ERCC5: variants seen among roughly 807,000 people sequenced by gnomAD.
ERCC5 encodes the protein ERCC excision repair 5, endonuclease.
Under a neutral mutation model 105.6 loss-of-function variants are expected in ERCC5, and 68 were observed. The ratio of observed to expected loss-of-function variants is 0.64; its 90% CI spans 0.53 to 0.79. The LOEUF is 0.79. Ranked by LOEUF, ERCC5 falls within the 30% of genes least tolerant of loss-of-function variation. ERCC5 has a pLI of 0.00. For synonymous variants in ERCC5, 546 were observed against 526.2 expected (o/e 1.04, Z -0.51); for missense variants, 1,373 against 1,426.7 (o/e 0.96, Z 0.61).
At chr13:102,863,868 T>TGTTA (rs1882737393) in intron 8 of ERCC5, among the ~76,000 whole-genome samples, 1 of 152,210 alleles carries the variant, frequency 6.6e-6, no homozygotes, top group Non-Finnish European at 1.5e-5. Context: ...TTCTGGCACC[T>TGTTA]GTTAGCGTGG....
At chr13:102,860,921 T>C (rs1266152727) in intron 6 of ERCC5, among the ~76,000 whole-genome samples, 1 of 152,186 alleles carries the variant, frequency 6.6e-6, no homozygotes, top group Non-Finnish European at 1.5e-5. Context: ...TCATAGTGAC[T>C]GCTATGCATT....
rs530459729 is a variant in ERCC5, at chr13:102,852,891, G to A, written c.264+598G>A. On this transcript the variant is annotated intron_variant, in intron 2 of 14. Coordinates refer to ENST00000652225, the MANE Select transcript of ERCC5 (RefSeq NM_000123.4). ...GATTGCTTGAGCCCAAGTCCAGCCT[G>A]GGCAACACAGGGAGACCCCATCTCT... Among the ~76,000 whole-genome samples, 7 of 152,198 alleles carry A rather than the reference G, an allele frequency of 4.6e-5. No individual in the cohort carries two copies. In the East Asian group the frequency reaches 1.4e-3, roughly 29 times the overall value.
At chr13:102,874,048 T>G (rs1465273330) in intron 14 of ERCC5, among the ~76,000 whole-genome samples, 1 of 152,144 alleles carries the variant, frequency 6.6e-6, no homozygotes, top group South Asian at 2.1e-4. Context: ...TTTCTATGAG[T>G]TTCTCTTTGT....
rs764475818 is a variant in ERCC5, at chr13:102,875,526, A to G, written c.3184A>G (p.Asn1062Asp). ...AAAAACCCAGAAGAGAGGCATAACA[A>G]ATACCTTAGAAGAGTCATCAAGCCT... ...KGKTQKRGIT[N>D]TLEESSSLKR... The change falls in exon 15 of 15, where the codon AAT (asparagine) becomes GAT (aspartate). Residue 1062 changes from asparagine to aspartate, a missense_variant. This residue lies in a region of ERCC5 where 367 missense variants were observed against 350.2 expected (regional missense o/e 1.05). Transcript: ENST00000652225. 170 of 1,613,994 alleles carry G rather than the reference A, an allele frequency of 1.1e-4. No individual in the cohort carries two copies. Among genetic ancestry groups the G allele is most frequent in the Non-Finnish European group, 1.4e-4 (165 of 1,179,954 alleles).
In ERCC5 at chr13:102,850,992, A is replaced by G. The variant is rs554742668; in HGVS notation, c.89-1126A>G. Among the ~76,000 whole-genome samples, 30 of 152,332 alleles carry G rather than the reference A, an allele frequency of 2.0e-4. No individual in the cohort carries two copies. In the South Asian group the frequency reaches 6.2e-3, roughly 32 times the overall value. ...GCGGTGTCACTCTTTCTTTTGGACAAATATAACATTTTTTGAGAAGCACTT... is the reference window on the plus strand; with the variant it reads ...GCGGTGTCACTCTTTCTTTTGGACAGATATAACATTTTTTGAGAAGCACTT... On this transcript the variant is annotated intron_variant, in intron 1 of 14. Coordinates refer to ENST00000652225, the MANE Select transcript of ERCC5 (RefSeq NM_000123.4).
At chr13:102,858,871 T>C (rs1363074814) in intron 6 of ERCC5, 5 of 455,954 alleles carry the variant, frequency 1.1e-5, no homozygotes, top group African/African-American at 2.0e-5. Context: ...ATATAGAATC[T>C]AATCACAATG....
At chr13:102,871,357 G>A (rs1196246738) in intron 12 of ERCC5, among the ~76,000 whole-genome samples, 1 of 152,184 alleles carries the variant, frequency 6.6e-6, no homozygotes, top group Non-Finnish European at 1.5e-5. Flanking sequence ...AGAGTGTGTC[G>A]CTGTCTTTAT....
chr13:102,868,321 A>G, intron 12 of ERCC5, 64 bp downstream of exon 12: 1 of 1,598,684 alleles, frequency 6.3e-7, no homozygotes, highest in Non-Finnish European at 8.6e-7. Context: ...AAATAGAACT[A>G]TTATTTACAG....
rs1008091379 is a variant in ERCC5, at chr13:102,862,590, G to C, written c.1441G>C (p.Val481Leu). The change falls in exon 8 of 15, where the codon GTG (valine) becomes CTG (leucine). Residue 481 changes from valine to leucine, a missense_variant. Val to Leu is a conservative substitution (Grantham distance 32). Coordinates refer to ENST00000652225, the MANE Select transcript of ERCC5 (RefSeq NM_000123.4). ...VPKEQMSLVH[V>L]GTEAFPISDE... Reference sequence around the variant, plus strand: ...AAAAGAACAAATGTCACTTGTTCACGTGGGGACTGAAGCCTTTCCGATAAG... The same window carrying C: ...AAAAGAACAAATGTCACTTGTTCACCTGGGGACTGAAGCCTTTCCGATAAG... 3 of 1,614,064 alleles carry C rather than the reference G, an allele frequency of 1.9e-6. No homozygotes were observed. The highest frequency in any genetic ancestry group is 1.7e-6 in the Non-Finnish European group (2 of 1,180,036).
intron 12 of ERCC5, among the ~76,000 whole-genome samples, chr13:102,869,995 C>T (rs1262160759): frequency 6.6e-6 from 1 of 152,214 alleles, no homozygotes; most frequent in Non-Finnish European, 1.5e-5. Context: ...CAGATAGGAG[C>T]AGCCTTCGCT....
At position 102,868,135 on chromosome 13, in the gene ERCC5, A is replaced by G. The variant is rs780704053; in HGVS notation, c.2556A>G (p.Ile852Met). 1.3e-5 allele frequency: 21 copies of G among 1,614,046 alleles called. No homozygotes were observed. Among genetic ancestry groups the G allele is most frequent in the Admixed American group, 1.7e-5 (1 of 60,008 alleles). The change falls in exon 12 of 15, where the codon ATA becomes ATG. Residue 852 changes from isoleucine (I) to methionine (M), a missense_variant. Physicochemically the swap from Ile to Met is conservative, Grantham distance 10. Transcript: ENST00000652225. ...NQLGLDRNKL[I>M]NLAYLLGSDY... The stretch of plus-strand genomic sequence containing the variant: ...TAGGATTGGACCGGAATAAGTTAAT[A>G]AATTTGGCTTATTTGCTTGGAAGTG...
At chr13:102,864,824 C>T (rs1328958803) in intron 8 of ERCC5, 1 of 152,228 alleles carries the variant, frequency 6.6e-6, no homozygotes, top group African/African-American at 2.4e-5. Flanking sequence ...TATACATGCA[C>T]ACACACATCT....
At chr13:102,846,485 C>T in intron 1 of ERCC5, 131 bp downstream of exon 1, 1 of 793,152 alleles carries the variant, frequency 1.3e-6, no homozygotes, top group South Asian at 1.5e-5. Flanking sequence ...GCTATAGAAT[C>T]TCTGTCACTA....
chr13:102,856,297 G>GTATATA (rs5806327), intron 5 of ERCC5, among the ~76,000 whole-genome samples, 185 bp downstream of exon 5: 18 of 150,210 alleles, frequency 1.2e-4, no homozygotes, highest in African/African-American at 3.2e-4. Flanking sequence ...CTACACACGT[G>GTATATA]TATATATATA....
intron 1 of ERCC5, 65 bp from the exon 2 acceptor site, chr13:102,852,053 G>A (rs887944262): frequency 6.4e-7 from 1 of 1,559,872 alleles, no homozygotes; most frequent in Admixed American, 1.7e-5. Context: ...TCAGTTATTA[G>A]GAAATTGAAG....
At position 102,862,964 on chromosome 13, in the gene ERCC5, A is replaced by G. The variant is rs1304576841; in HGVS notation, c.1815A>G (p.Ser605=). The G allele has an allele frequency of 3.7e-6, 6 of 1,614,144 alleles. No individual in the cohort carries two copies. In the African/African-American group the frequency reaches 5.3e-5, roughly 14 times the overall value. The change falls in exon 8 of 15, where the codon TCA becomes TCG. Residue 605 remains serine, a synonymous_variant. Coordinates refer to ENST00000652225, the MANE Select transcript of ERCC5 (RefSeq NM_000123.4). ...EAVDNVENVV[S]FNAKEHENFL... is the part of the protein sequence containing the mutation. ...TAGATAATGTGGAAAATGTGGTGTC[A>G]TTTAATGCTAAAGAGCATGAGAATT...
Position 102,849,990 on chromosome 13 carries a change from C to G in ERCC5, c.89-2128C>G, listed in dbSNP as rs115105811. ...AGAGTCTCCCTCTGTTACGCAGGCT[C>G]GAGTGCAGTGGCGTGATCTTGGCTC... On this transcript the variant is annotated intron_variant, in intron 1 of 14. Transcript: ENST00000652225. Among the ~76,000 whole-genome samples the G allele has an allele frequency of 4.3e-4, 65 of 151,466 alleles. 2 individuals carry two copies. In the South Asian group the frequency reaches 0.013, roughly 30 times the overall value.
At position 102,872,052 on chromosome 13, in the gene ERCC5, A is replaced by G. The variant is rs1883050997; in HGVS notation, c.2679-146A>G. The G allele has an allele frequency of 4.2e-6, 4 of 945,366 alleles. No individual in the cohort carries two copies. In the South Asian group the frequency reaches 6.4e-5, roughly 15 times the overall value. The allele number at this position is 945,366 out of a possible 1,614,324, so 58.6% of individuals were successfully genotyped here. Reference sequence around the variant, plus strand: ...GCCATCATTATACATTGTGGCTAATAGTACTAAAATTAATAAAATATTCTA... The same window carrying G: ...GCCATCATTATACATTGTGGCTAATGGTACTAAAATTAATAAAATATTCTA... On this transcript the variant is annotated intron_variant, in intron 12 of 14. Transcript: ENST00000652225.
At chr13:102,858,997 CTTCACCTTGGAACATCT>C (rs1272451009) in intron 6 of ERCC5, 1 of 450,224 alleles carries the variant, frequency 2.2e-6, no homozygotes, top group Non-Finnish European at 4.5e-6. Flanking sequence ...AATGGGGCTT[CTTCACCTTGGAACATCT>C]TGTAGCTTGG....
Sources: gnomAD v4.1 joint callset for allele counts (sites outside exome capture counted in the v4.1 genomes callset) on GRCh38, gnomAD v4.1.1 for gene constraint, gnomAD v4.1.1 regional missense constraint, MANE v1.5 for transcripts, NCBI Gene and HGNC (gene_info 2026-07-23, HGNC 2026-07-21) for gene names.